SLC25A21: variants seen among roughly 807,000 people sequenced by gnomAD.
SLC25A21 encodes solute carrier family 25 member 21.
Under a neutral mutation model 43.8 loss-of-function variants are expected in SLC25A21, and 47 were observed. The ratio of observed to expected loss-of-function variants is 1.07; its 90% CI spans 0.85 to 1.37. The LOEUF (loss-of-function observed/expected upper bound fraction) is 1.37, where lower values mean the gene tolerates loss of function less well. Among genes scored for constraint, SLC25A21 ranks in the 40% most tolerant of loss-of-function variants. SLC25A21 has a pLI of 0.00. For missense variants in SLC25A21, 352 were observed against 350.2 expected (o/e 1.00, Z -0.04); for synonymous variants, 131 against 121.3 (o/e 1.08, Z -0.52).
At chr14:36,904,541 C>T (rs1891482614) in intron 1 of SLC25A21, among the ~76,000 whole-genome samples, 2 of 152,154 alleles carry the variant, frequency 1.3e-5, no homozygotes, top group Non-Finnish European at 2.9e-5. Flanking sequence ...TTAGTCTGTT[C>T]TCACACTTCT....
intron 3 of SLC25A21, among the ~76,000 whole-genome samples, chr14:36,740,035 T>C (rs1015631064): frequency 6.6e-6 from 1 of 152,222 alleles, no homozygotes; most frequent in African/African-American, 2.4e-5. Flanking sequence ...GCTAGGTGTT[T>C]CCTAGCTGTG....
chr14:36,814,721 G>A (rs1311230800), intron 2 of SLC25A21, among the ~76,000 whole-genome samples: 2 of 152,194 alleles, frequency 1.3e-5, no homozygotes, highest in African/African-American at 2.4e-5. Context: ...ACTGTTGGTG[G>A]GAGTGTAAAT....
At chr14:36,978,066 T>C (rs770107386) in intron 1 of SLC25A21, among the ~76,000 whole-genome samples, 19 of 151,914 alleles carry the variant, frequency 1.3e-4, no homozygotes, top group Non-Finnish European at 2.6e-4. Flanking sequence ...AAAATCAAGA[T>C]GTGATTATAA....
intron 1 of SLC25A21, among the ~76,000 whole-genome samples, chr14:36,880,496 T>A (rs555377760): frequency 6.6e-6 from 1 of 152,290 alleles, no homozygotes; most frequent in African/African-American, 2.4e-5. Flanking sequence ...ATCTAGAAGC[T>A]CCACGAGGAC....
chr14:36,795,930 C>A (rs1046731267), intron 3 of SLC25A21, among the ~76,000 whole-genome samples: 1 of 152,144 alleles, frequency 6.6e-6, no homozygotes, highest in Non-Finnish European at 1.5e-5. Flanking sequence ...TCAGATGCAA[C>A]ACAGCATATA....
chr14:37,160,736 C>T lies in SLC25A21; in HGVS notation c.70+11545G>A, dbSNP rs376484926. Among the ~76,000 whole-genome samples the T allele has an allele frequency of 1.3e-3, 198 of 152,032 alleles. 1 individual carries two copies. Among genetic ancestry groups the T allele is most frequent in the African/African-American group, 4.3e-3 (177 of 41,478 alleles). On this transcript the variant is annotated intron_variant, in intron 1 of 9. Coordinates refer to ENST00000331299, the MANE Select transcript of SLC25A21 (RefSeq NM_030631.4). ...CTTGAGGTCAGGAGTTCGAGACCAG[C>T]CTGGCCAACATGGTGAAACCCTGTC...
At chr14:36,731,534 T>G (rs1884825676) in intron 4 of SLC25A21, among the ~76,000 whole-genome samples, 1 of 152,226 alleles carries the variant, frequency 6.6e-6, no homozygotes, top group Admixed American at 6.5e-5. Context: ...TTTTATTCCC[T>G]GTAACTTAGG....
chr14:37,015,498 A>G (rs2138745451), intron 1 of SLC25A21, among the ~76,000 whole-genome samples: 1 of 152,106 alleles, frequency 6.6e-6, no homozygotes, highest in South Asian at 2.1e-4. Context: ...GCCACAATAG[A>G]CATACGTGTG....
intron 1 of SLC25A21, among the ~76,000 whole-genome samples, chr14:37,133,951 C>A (rs1231371495): frequency 2.0e-5 from 3 of 152,140 alleles, no homozygotes; most frequent in Non-Finnish European, 4.4e-5. Flanking sequence ...CCAACTTATA[C>A]CATGATATCC....
intron 1 of SLC25A21, among the ~76,000 whole-genome samples, chr14:37,007,595 C>G (rs1173841801): frequency 9.6e-6 from 1 of 104,552 alleles, no homozygotes; most frequent in East Asian, 2.6e-4. Flanking sequence ...AAGACTCCCT[C>G]TCAAAAATAA....
chr14:36,982,527 A>AT (rs1049922205), intron 1 of SLC25A21, among the ~76,000 whole-genome samples: 26 of 151,688 alleles, frequency 1.7e-4, no homozygotes, highest in African/African-American at 5.6e-4. Flanking sequence ...AGGTGGACTG[A>AT]TTTTTTTTTA....
At chr14:37,155,021 T>G (rs986036829) in intron 1 of SLC25A21, among the ~76,000 whole-genome samples, 2 of 151,940 alleles carry the variant, frequency 1.3e-5, no homozygotes, top group African/African-American at 4.8e-5. Context: ...TTTGAAAACT[T>G]TGGTAATAGA....
intron 1 of SLC25A21, among the ~76,000 whole-genome samples, chr14:36,953,319 A>C (rs1959237912): frequency 6.6e-6 from 1 of 152,220 alleles, no homozygotes; most frequent in Non-Finnish European, 1.5e-5. Flanking sequence ...GTAGCCCAAA[A>C]GATTCACATT....
At chr14:36,707,591 T>C (rs1883632616) in intron 7 of SLC25A21, among the ~76,000 whole-genome samples, 2 of 152,186 alleles carry the variant, frequency 1.3e-5, no homozygotes, top group Non-Finnish European at 2.9e-5. Context: ...AATCTGGGCA[T>C]GGGAAGTGCT....
rs1891072100 is a variant in SLC25A21 at position 36,891,533 on chromosome 14, ATACAC to A, written c.71-16534_71-16530del. On this transcript the variant is annotated intron_variant, in intron 1 of 9. Coordinates refer to ENST00000331299, the MANE Select transcript of SLC25A21 (RefSeq NM_030631.4). ...GATCAATTTCTTCATTTATTCTCTT[ATACAC>A]TAAAGTATATATAGGCAACATGCAA... Among the ~76,000 whole-genome samples, 6 of 152,274 alleles carry A rather than the reference ATACAC, an allele frequency of 3.9e-5. No individual in the cohort carries two copies. In the South Asian group the frequency reaches 1.2e-3, roughly 32 times the overall value.
At chr14:36,918,024 A>G (rs1355344765) in intron 1 of SLC25A21, among the ~76,000 whole-genome samples, 2 of 152,150 alleles carry the variant, frequency 1.3e-5, no homozygotes, top group African/African-American at 2.4e-5. Flanking sequence ...TTGTATACGC[A>G]TATCTACAGC....
At chr14:37,127,560 CACTT>C (rs1355739648) in intron 1 of SLC25A21, among the ~76,000 whole-genome samples, 1 of 152,026 alleles carries the variant, frequency 6.6e-6, no homozygotes, top group African/African-American at 2.4e-5. Flanking sequence ...GAGTGTGTAA[CACTT>C]ACTAACTGTT....
intron 2 of SLC25A21, among the ~76,000 whole-genome samples, chr14:36,818,892 C>G (rs926012958): frequency 2.6e-5 from 4 of 152,178 alleles, no homozygotes; most frequent in African/African-American, 9.7e-5. Flanking sequence ...AGACAATTTT[C>G]CAGTTACATA....
chr14:36,680,687 T>C lies in SLC25A21; in HGVS notation c.871A>G (p.Thr291Ala). 3 of 1,613,188 alleles carry C rather than the reference T, an allele frequency of 1.9e-6. No individual in the cohort carries two copies. Among genetic ancestry groups the C allele is most frequent in the Non-Finnish European group, 2.5e-6 (3 of 1,179,574 alleles). Residue 291 changes from threonine to alanine, a missense_variant, in exon 10 of 10, where the codon ACC (threonine) becomes GCC (alanine). Physicochemically the swap from Thr to Ala is moderately conservative, Grantham distance 58. Transcript: ENST00000331299. Reference sequence around the variant, plus strand: ...CAGTTCTCTTGAAGCCATGAATAGGTGTATTCATAAACCAGCAGCATCACT... The same window carrying C: ...CAGTTCTCTTGAAGCCATGAATAGGCGTATTCATAAACCAGCAGCATCACT... ...GAVMLLVYEYTYSWLQENW is the reference protein window; with the variant it reads ...GAVMLLVYEYAYSWLQENW
Sources: allele counts gnomAD v4.1 joint callset (sites outside exome capture counted in the v4.1 genomes callset), GRCh38; gene constraint gnomAD v4.1.1; transcripts MANE v1.5; gene names NCBI Gene and HGNC (gene_info 2026-07-23, HGNC 2026-07-21).